ARID1B: variants seen among roughly 807,000 people sequenced by gnomAD.
ARID1B encodes AT-rich interaction domain 1B.
ARID1B carries 30 observed loss-of-function variants against 212.3 expected under a neutral mutation model. That is an observed-to-expected ratio of 0.14 (90% CI 0.11 to 0.19). The LOEUF is 0.19. Among genes scored for constraint, ARID1B ranks in the 10% least tolerant of loss-of-function variants. The probability of loss-of-function intolerance (pLI) is 1.00; values close to 1 mark genes in which losing one functional copy is unlikely to be tolerated. For synonymous variants in ARID1B, 1,402 were observed against 1,301.7 expected, an observed-to-expected ratio of 1.08 and a Z score of -1.66; for missense variants, 2,891 against 3,204.0, an observed-to-expected ratio of 0.90 and a Z score of 2.36.
At chr6:156,964,790 G>C (rs1217463391) in intron 4 of ARID1B, among the ~76,000 whole-genome samples, 3 of 152,158 alleles carry the variant, frequency 2.0e-5, no homozygotes, top group Admixed American at 1.3e-4. Flanking sequence ...TATGTGATCT[G>C]TAAAGGTTTT....
At chr6:156,814,317 G>A (rs1583090034) in intron 1 of ARID1B, among the ~76,000 whole-genome samples, 1 of 152,076 alleles carries the variant, frequency 6.6e-6, no homozygotes, top group East Asian at 1.9e-4. Flanking sequence ...TACTATGGGG[G>A]CTGAGGTGGG....
intron 2 of ARID1B, among the ~76,000 whole-genome samples, chr6:156,858,469 C>T (rs938068629): frequency 4.6e-5 from 7 of 152,084 alleles, no homozygotes; most frequent in Non-Finnish European, 8.8e-5. Flanking sequence ...ATGCTTGTAT[C>T]AAAAGATCAC....
chr6:156,856,260 C>A (rs929832199), intron 2 of ARID1B, among the ~76,000 whole-genome samples: 1 of 152,152 alleles, frequency 6.6e-6, no homozygotes, highest in African/African-American at 2.4e-5. Context: ...TATACCAATG[C>A]CTAGAACCAT....
intron 2 of ARID1B, among the ~76,000 whole-genome samples, chr6:156,867,107 G>A (rs1332925990): frequency 2.0e-5 from 3 of 152,150 alleles, no homozygotes; most frequent in Non-Finnish European, 1.5e-5. Context: ...TGCATACTCT[G>A]ACAGACGGTT....
intron 5 of ARID1B, among the ~76,000 whole-genome samples, chr6:157,106,863 A>G (rs890741233): frequency 2.5e-4 from 38 of 152,338 alleles, no homozygotes; most frequent in African/African-American, 8.7e-4. Context: ...ATGGAATTCC[A>G]GTAACTAAAT....
chr6:157,108,788 C>A (rs1447745252), intron 5 of ARID1B, among the ~76,000 whole-genome samples: 3 of 152,128 alleles, frequency 2.0e-5, no homozygotes, highest in African/African-American at 7.2e-5. Context: ...GCTGTTTGTC[C>A]AGGTCTTTTA....
At chr6:156,910,210 G>A (rs1472765495) in intron 3 of ARID1B, among the ~76,000 whole-genome samples, 2 of 152,166 alleles carry the variant, frequency 1.3e-5, no homozygotes, top group African/African-American at 4.8e-5. Flanking sequence ...TCTAAATGAA[G>A]TATCTTCTTG....
chr6:157,129,082 G>T (rs1483450753), intron 6 of ARID1B, among the ~76,000 whole-genome samples: 12 of 152,340 alleles, frequency 7.9e-5, no homozygotes, highest in African/African-American at 2.9e-4. Flanking sequence ...CTATCCAAGT[G>T]AAAAGATATT....
chr6:157,035,461 G>C (rs1313545886), intron 4 of ARID1B, among the ~76,000 whole-genome samples: 2 of 152,174 alleles, frequency 1.3e-5, no homozygotes, highest in Non-Finnish European at 2.9e-5. Flanking sequence ...ACCTAGCATT[G>C]TGAAAGTCAG....
Position 156,778,071 on chromosome 6 carries a change from T to G in ARID1B, c.391T>G (p.Ser131Ala). The change falls in exon 1 of 20, where the codon TCC becomes GCC. Residue 131 changes from serine (S) to alanine (A), a missense_variant. Physicochemically the swap from Ser to Ala is moderately conservative, Grantham distance 99. Coordinates refer to ENST00000636930, the MANE Select transcript of ARID1B (RefSeq NM_001374828.1). ...SSSSAAAAAA[S>A]SSSSSGPGSA... ...CTCCTCCGCGGCGGCAGCGGCGGCA[T>G]CCTCTTCCTCCTCGTCGGGCCCGGG... The G allele has an allele frequency of 1.3e-6, 2 of 1,538,074 alleles. No individual in the cohort carries two copies. Among genetic ancestry groups the G allele is most frequent in the East Asian group, 2.5e-5 (1 of 40,680 alleles).
intron 5 of ARID1B, among the ~76,000 whole-genome samples, chr6:157,108,378 C>A (rs1786642851): frequency 6.6e-6 from 1 of 152,114 alleles, no homozygotes. Flanking sequence ...AGCCACGGTG[C>A]CCTGTGTTCA....
At chr6:157,156,941 G>A (rs1583420504) in intron 8 of ARID1B, among the ~76,000 whole-genome samples, 2 of 152,196 alleles carry the variant, frequency 1.3e-5, no homozygotes, top group East Asian at 1.9e-4. Flanking sequence ...AGTCTGCGCC[G>A]ACCTGACCCT....
intron 4 of ARID1B, among the ~76,000 whole-genome samples, chr6:156,954,600 T>C (rs1431328746): frequency 2.0e-5 from 3 of 152,198 alleles, no homozygotes; most frequent in Non-Finnish European, 4.4e-5. Flanking sequence ...TTATGAGGTA[T>C]TTTATTTGTG....
rs557173503 is a variant in ARID1B, at chr6:156,904,755, A to G, written c.2136+3230A>G. 6.6e-5 allele frequency among the ~76,000 whole-genome samples: 10 copies of G among 152,380 alleles called. No homozygotes were observed. The South Asian group carries it at 2.1e-3, about 32-fold the overall frequency. ...CATGACACCACAAGTGGAAAATTCC[A>G]TATTTGACCTCATGTGATGGATCAC... On this transcript the variant is annotated intron_variant, in intron 3 of 19. Coordinates refer to ENST00000636930, the MANE Select transcript of ARID1B (RefSeq NM_001374828.1).
chr6:157,058,456 G>C (rs779794137), intron 4 of ARID1B, among the ~76,000 whole-genome samples: 20 of 152,038 alleles, frequency 1.3e-4, no homozygotes, highest in Non-Finnish European at 2.8e-4. Flanking sequence ...ATAGAGACAG[G>C]GTTTCACCAT....
intron 13 of ARID1B, chr6:157,185,923 G>A (rs921984811): frequency 2.6e-5 from 4 of 152,370 alleles, no homozygotes; most frequent in African/African-American, 4.8e-5. Context: ...ACCAACTCAG[G>A]TGTCCCTTAA....
At chr6:156,895,885 G>C (rs185029820) in intron 2 of ARID1B, among the ~76,000 whole-genome samples, 1 of 152,070 alleles carries the variant, frequency 6.6e-6, no homozygotes, top group African/African-American at 2.4e-5. Context: ...TTCAATGCAC[G>C]TTTCTATACT....
intron 18 of ARID1B, among the ~76,000 whole-genome samples, chr6:157,202,097 G>GAAT (rs1211318106): frequency 6.6e-6 from 1 of 152,188 alleles, no homozygotes; most frequent in Non-Finnish European, 1.5e-5. Context: ...ATGACATAAA[G>GAAT]AATATGCTAT....
chr6:156,898,047 CT>C (rs1788626762), intron 2 of ARID1B, among the ~76,000 whole-genome samples: 1 of 152,048 alleles, frequency 6.6e-6, no homozygotes, highest in Non-Finnish European at 1.5e-5. Context: ...TCAGTCTCCC[CT>C]GTGATAAGAT....
Sources: allele counts gnomAD v4.1 joint callset (sites outside exome capture counted in the v4.1 genomes callset), GRCh38; gene constraint gnomAD v4.1.1; transcripts MANE v1.5; gene names NCBI Gene and HGNC (gene_info 2026-07-23, HGNC 2026-07-21).